The following NR1H4 variants were observed in gnomAD, a reference collection of about 807,000 sequenced individuals.
The protein encoded by NR1H4 is nuclear receptor subfamily 1 group H member 4, also known as bile acid receptor.
Under a neutral mutation model 58.5 loss-of-function variants are expected in NR1H4, and 23 were observed. The ratio of observed to expected loss-of-function variants is 0.39; its 90% CI spans 0.28 to 0.56. The LOEUF is 0.56. NR1H4 is among the 20% of genes least tolerant of loss of function. The probability of loss-of-function intolerance (pLI) is 0.58; values close to 1 mark genes in which losing one functional copy is unlikely to be tolerated. For synonymous variants in NR1H4, 214 were observed against 198.0 expected, an observed-to-expected ratio of 1.08 and a Z score of -0.68; for missense variants, 487 against 576.9, an observed-to-expected ratio of 0.84 and a Z score of 1.60.
At chr12:100,540,533 G>A (rs961718734) in intron 8 of NR1H4, 139 bp from the exon 9 acceptor site, 11 of 871,938 alleles carry the variant, frequency 1.3e-5, no homozygotes, top group Non-Finnish European at 2.1e-5. Flanking sequence ...TTATTGGCGA[G>A]TACAAATGGA....
intron 9 of NR1H4, among the ~76,000 whole-genome samples, chr12:100,561,432 C>T (rs1331438037): frequency 6.6e-6 from 1 of 152,028 alleles, no homozygotes; most frequent in Non-Finnish European, 1.5e-5. Context: ...ATAAAGAACC[C>T]TGGCCCATTT....
At chr12:100,484,684 ATGCAC>A (rs1432974199) in intron 1 of NR1H4, among the ~76,000 whole-genome samples, 1 of 152,064 alleles carries the variant, frequency 6.6e-6, no homozygotes, top group African/African-American at 2.4e-5. Context: ...CCACGCTGCT[ATGCAC>A]TCTGGTCACC....
intron 4 of NR1H4, among the ~76,000 whole-genome samples, chr12:100,515,675 A>G (rs953480822): frequency 1.3e-5 from 2 of 152,258 alleles, no homozygotes; most frequent in African/African-American, 4.8e-5. Flanking sequence ...AAAGTGTGGC[A>G]CATAGTCAAA....
At position 100,492,178 on chromosome 12, in the gene NR1H4, G is replaced by T. The variant is rs187099104; in HGVS notation, c.-189-325G>T. On this transcript the variant is annotated intron_variant, in intron 1 of 10. Transcript: ENST00000392986. ...AATAAATGAATAAATGAAGGAAACA[G>T]GTTTCTGGTGGACGACTTTCCCAGC... Among the ~76,000 whole-genome samples the T allele has an allele frequency of 5.6e-4, 86 of 152,264 alleles. 1 individual carries two copies. Among genetic ancestry groups the T allele is most frequent in the African/African-American group, 2.0e-3 (82 of 41,562 alleles).
chr12:100,479,732 T>G (rs994062946), intron 1 of NR1H4, among the ~76,000 whole-genome samples: 2 of 152,258 alleles, frequency 1.3e-5, no homozygotes, highest in African/African-American at 4.8e-5. Context: ...ATACAAGAGC[T>G]GCCTACTCTC....
In NR1H4 at chr12:100,503,382, C is replaced by T. The variant is rs762091357; in HGVS notation, c.80-7396C>T. 3.1e-6 allele frequency: 5 copies of T among 1,595,826 alleles called. No homozygotes were observed. The Admixed American group carries it at 8.4e-5, about 27-fold the overall frequency. On this transcript the variant is annotated intron_variant, in intron 3 of 10. Transcript: ENST00000392986. ...CTCATTTTCAGTGGCTGTGAATAAGCTAAGAATGGTAATGCAGTTTCAGGG... is the reference window on the plus strand; with the variant it reads ...CTCATTTTCAGTGGCTGTGAATAAGTTAAGAATGGTAATGCAGTTTCAGGG...
intron 5 of NR1H4, among the ~76,000 whole-genome samples, chr12:100,533,347 G>A (rs1235792492): frequency 2.0e-5 from 3 of 152,194 alleles, no homozygotes; most frequent in Non-Finnish European, 4.4e-5. Flanking sequence ...CCAAGGGGAT[G>A]ACAGCATTCA....
At position 100,543,677 on chromosome 12, in the gene NR1H4, T is replaced by A. The variant is rs564527462; in HGVS notation, c.1078+2859T>A. ...TACTGCTTTTCCTCTCTTAAATAAT[T>A]CAATTTTCCTGATGGGTGGTTTAGC... On this transcript the variant is annotated intron_variant, in intron 9 of 10. Coordinates refer to ENST00000392986, the MANE Select transcript of NR1H4 (RefSeq NM_001206979.2). Among the ~76,000 whole-genome samples, 43 of 152,142 alleles carry A rather than the reference T, an allele frequency of 2.8e-4. No homozygotes were observed. The South Asian group carries it at 7.1e-3, about 25-fold the overall frequency.
At chr12:100,539,537 AGCCATTTAG>A (rs1410158211) in intron 8 of NR1H4, among the ~76,000 whole-genome samples, 3 of 152,180 alleles carry the variant, frequency 2.0e-5, no homozygotes, top group Non-Finnish European at 4.4e-5. Context: ...GTTCTTCCCA[AGCCATTTAG>A]GCCCTGATGG....
At chr12:100,531,269 A>C (rs1168185910) in intron 4 of NR1H4, among the ~76,000 whole-genome samples, 3 of 152,222 alleles carry the variant, frequency 2.0e-5, no homozygotes, top group Non-Finnish European at 2.9e-5. Flanking sequence ...CAGCCTGGCC[A>C]ACATGGTGAA....
intron 9 of NR1H4, among the ~76,000 whole-genome samples, chr12:100,543,719 T>C (rs1954991699): frequency 6.6e-6 from 1 of 152,166 alleles, no homozygotes; most frequent in Admixed American, 6.5e-5. Flanking sequence ...CTAGGCCAGC[T>C]ACTGAAGTAT....
rs1268228271 is a variant in NR1H4 at position 100,503,582 on chromosome 12, A to G, written c.80-7196A>G. The G allele has an allele frequency of 3.0e-6, 4 of 1,318,498 alleles. No individual in the cohort carries two copies. The East Asian group carries it at 1.0e-4, about 34-fold the overall frequency. The allele number at this position is 1,318,498 out of a possible 1,614,324, so 81.7% of individuals were successfully genotyped here. A position where few individuals can be genotyped will look rare whatever the true frequency, so the allele number is the denominator to read the frequency against. ...GGGGACTTTGGTTGGAGATGACAGT[A>G]ACAGATGTCTGTCAAAGATAGTGGC... On this transcript the variant is annotated intron_variant, in intron 3 of 10. Transcript: ENST00000392986.
At chr12:100,529,250 T>A (rs1954634842) in intron 4 of NR1H4, among the ~76,000 whole-genome samples, 1 of 152,222 alleles carries the variant, frequency 6.6e-6, no homozygotes, top group Admixed American at 6.5e-5. Flanking sequence ...TTTCATGAGT[T>A]ACCAAAACCT....
intron 1 of NR1H4, among the ~76,000 whole-genome samples, chr12:100,479,205 C>T (rs1314678832): frequency 6.6e-6 from 1 of 151,978 alleles, no homozygotes; most frequent in Non-Finnish European, 1.5e-5. Flanking sequence ...ATGCCTTAAC[C>T]TCTGTCTTAC....
At position 100,532,538 on chromosome 12, in the gene NR1H4, C is replaced by G. The variant is rs113090017; in HGVS notation, c.526C>G (p.Arg176Gly). 1 of 1,613,878 alleles carries G rather than the reference C, an allele frequency of 6.2e-7. No homozygotes were observed. The highest frequency in any genetic ancestry group is 2.2e-5 in the East Asian group (1 of 44,864). The change falls in exon 5 of 11, where the codon CGA becomes GGA. Residue 176 changes from arginine (R) to glycine (G), a missense_variant. Arg to Gly is a moderately radical substitution (Grantham distance 125, BLOSUM62 -2). Transcript: ENST00000392986. ...CAACTGTGTGATGGATATGTACATG[C>G]GAAGAAAGTGTCAAGAGTGTCGACT... is the stretch of plus-strand genomic sequence containing the variant. Reference protein sequence around the residue: ...GGNCVMDMYMRRKCQECRLRK... With the variant: ...GGNCVMDMYMGRKCQECRLRK...
intron 5 of NR1H4, among the ~76,000 whole-genome samples, chr12:100,533,416 C>G (rs549783837): frequency 6.6e-6 from 1 of 152,180 alleles, no homozygotes; most frequent in Non-Finnish European, 1.5e-5. Flanking sequence ...TCTATTGTTA[C>G]CAAACTGTAC....
rs1348857697 is a variant in NR1H4, at chr12:100,534,943, C to G, written c.652C>G (p.Gln218Glu). Residue 218 changes from glutamine (Q) to glutamate (E), a missense_variant, in exon 6 of 11, where the codon CAG becomes GAG. Coordinates refer to ENST00000392986, the MANE Select transcript of NR1H4 (RefSeq NM_001206979.2). Reference sequence around the variant, plus strand: ...TAAGCGACTGAGAAAAAATGTGAAGCAGCATGCAGATCAGACCGTGAATGA... The same window carrying G: ...TAAGCGACTGAGAAAAAATGTGAAGGAGCATGCAGATCAGACCGTGAATGA... ...KSKRLRKNVK[Q>E]HADQTVNEDS... 6.2e-7 allele frequency: 1 copy of G among 1,614,170 alleles called. No individual in the cohort carries two copies. Among genetic ancestry groups the G allele is most frequent in the Non-Finnish European group, 8.5e-7 (1 of 1,180,016 alleles).
chr12:100,528,033 G>A (rs1241479532), intron 4 of NR1H4, among the ~76,000 whole-genome samples: 1 of 152,204 alleles, frequency 6.6e-6, no homozygotes, highest in Non-Finnish European at 1.5e-5. Context: ...AGGTCATCTT[G>A]AATGGAAGGA....
intron 9 of NR1H4, among the ~76,000 whole-genome samples, chr12:100,548,974 T>C (rs1251829412): frequency 6.6e-6 from 1 of 152,160 alleles, no homozygotes; most frequent in African/African-American, 2.4e-5. Flanking sequence ...CAGATGGATG[T>C]CATGCTCATC....
Sources: allele counts gnomAD v4.1 joint callset (sites outside exome capture counted in the v4.1 genomes callset), GRCh38; gene constraint gnomAD v4.1.1; transcripts MANE v1.5; gene names NCBI Gene and HGNC (gene_info 2026-07-23, HGNC 2026-07-21).